C6: variants seen among roughly 807,000 people sequenced by gnomAD.
C6 encodes the protein complement component C6.
Under a neutral mutation model 112.9 loss-of-function variants are expected in C6, and 101 were observed. That is an observed-to-expected ratio of 0.89 (90% CI 0.76 to 1.06). The LOEUF (loss-of-function observed/expected upper bound fraction) is 1.06, where lower values mean the gene tolerates loss of function less well. C6 is among the 50% of genes least tolerant of loss of function. C6 has a pLI of 0.00. For synonymous variants in C6, 431 were observed against 384.1 expected, an observed-to-expected ratio of 1.12 and a Z score of -1.43; for missense variants, 1,202 against 1,104.6, an observed-to-expected ratio of 1.09 and a Z score of -1.25.
intron 5 of C6, among the ~76,000 whole-genome samples, chr5:41,194,046 G>A (rs867894213): frequency 1.3e-5 from 2 of 152,058 alleles, no homozygotes; most frequent in South Asian, 2.1e-4. Context: ...ATAGCATGTG[G>A]TCCTCCCCAT....
intron 1 of C6, among the ~76,000 whole-genome samples, chr5:41,256,889 C>T (rs1741749004): frequency 6.6e-6 from 1 of 152,190 alleles, no homozygotes; most frequent in Non-Finnish European, 1.5e-5. Flanking sequence ...CCCATACCCA[C>T]TTTCCATCCC....
intron 2 of C6, 41 bp from the exon 3 acceptor site, chr5:41,201,755 C>A: frequency 1.3e-6 from 2 of 1,504,998 alleles, no homozygotes; most frequent in Non-Finnish European, 1.8e-6. Context: ...TGAGTGTATT[C>A]ACCATATATC....
At chr5:41,216,452 T>G (rs1752199074), upstream of C6, among the ~76,000 whole-genome samples, 1 of 152,078 alleles carries the variant, frequency 6.6e-6, no homozygotes, top group Non-Finnish European at 1.5e-5. Flanking sequence ...TTTCTTTCAT[T>G]TGAGATTTCA....
chr5:41,235,422 C>T (rs1041274175), intron 1 of C6, among the ~76,000 whole-genome samples: 11 of 145,244 alleles, frequency 7.6e-5, no homozygotes, highest in African/African-American at 2.1e-4. Context: ...ATTTTTATGG[C>T]TGCATAGTAT....
chr5:41,144,948 G>T (rs1833864), intron 17 of C6, among the ~76,000 whole-genome samples: 7 of 152,040 alleles, frequency 4.6e-5, no homozygotes. Context: ...GCATTCCATG[G>T]TATATTTGTA....
rs1741254734 is a variant in C6 at position 41,250,069 on chromosome 5, G to A, written c.-21+11125C>T. On this transcript the variant is annotated intron_variant, in intron 1 of 17. Coordinates refer to the C6 transcript ENST00000263413. ...AGAGTCAATTCCTTCCCACCTTGTG[G>A]TCAACAGCTTTTAACTAGGGACAAA... 3.3e-5 allele frequency among the ~76,000 whole-genome samples: 5 copies of A among 152,148 alleles called. No individual in the cohort carries two copies. In the South Asian group the frequency reaches 1.0e-3, roughly 32 times the overall value.
At chr5:41,184,638 A>G (rs1236380943) in intron 6 of C6, among the ~76,000 whole-genome samples, 1 of 151,894 alleles carries the variant, frequency 6.6e-6, no homozygotes, top group East Asian at 1.9e-4. Flanking sequence ...CGCCCAGCTA[A>G]GTTTTGTATT....
chr5:41,153,888 C>G lies in C6; in HGVS notation c.2212G>C (p.Val738Leu). Residue 738 changes from valine (V) to leucine (L), a missense_variant, in exon 15 of 18, where the codon GTT becomes CTT. Val to Leu is a conservative substitution (Grantham distance 32). Transcript: ENST00000337836. ...CATGTGTACCTTGATGGCCCAGCAA[C>G]AACAAAGCCTTTGGGGCAAGTTAGC... Reference protein sequence around the residue: ...IELTCPKGFVVAGPSRYTCQG... With the variant: ...IELTCPKGFVLAGPSRYTCQG... 1 of 1,613,778 alleles carries G rather than the reference C, an allele frequency of 6.2e-7. No homozygotes were observed. Among genetic ancestry groups the G allele is most frequent in the Non-Finnish European group, 8.5e-7 (1 of 1,179,784 alleles).
chr5:41,223,234 A>G (rs1055579693), intron 1 of C6, among the ~76,000 whole-genome samples: 9 of 152,202 alleles, frequency 5.9e-5, no homozygotes, highest in African/African-American at 2.2e-4. Flanking sequence ...GGAGGCAGGA[A>G]ACAAAGAAAG....
chr5:41,147,104 AC>A (rs1027128490), intron 17 of C6, among the ~76,000 whole-genome samples: 1 of 152,152 alleles, frequency 6.6e-6, no homozygotes, highest in Non-Finnish European at 1.5e-5. Flanking sequence ...TGTATTTTTG[AC>A]AATAATGTTC....
At chr5:41,190,762 T>A (rs777614268) in intron 5 of C6, among the ~76,000 whole-genome samples, 2 of 152,186 alleles carry the variant, frequency 1.3e-5, no homozygotes, top group Non-Finnish European at 2.9e-5. Flanking sequence ...TTAAGCTATT[T>A]GGAGTTGATT....
chr5:41,254,225 C>T (rs544459197), intron 1 of C6, among the ~76,000 whole-genome samples: 1 of 152,076 alleles, frequency 6.6e-6, no homozygotes, highest in African/African-American at 2.4e-5. Context: ...CACGGTGAAA[C>T]CCCATCTCTA....
chr5:41,215,606 A>C (rs16871009), upstream of C6, among the ~76,000 whole-genome samples: 10,318 of 152,204 alleles, frequency 0.068, 501 homozygotes, highest in African/African-American at 0.14. Flanking sequence ...TCTCACACAA[A>C]ATCTCCTATT....
chr5:41,249,770 T>C (rs1200094854), intron 1 of C6, among the ~76,000 whole-genome samples: 3 of 152,192 alleles, frequency 2.0e-5, no homozygotes, highest in Admixed American at 2.0e-4. Flanking sequence ...TGGATATTGA[T>C]TATTCCTCAT....
chr5:41,190,857 C>T (rs994320733), intron 5 of C6, among the ~76,000 whole-genome samples: 4 of 152,016 alleles, frequency 2.6e-5, no homozygotes, highest in Non-Finnish European at 1.5e-5. Context: ...ATTAAAGAGA[C>T]TCTTGTTTCC....
At chr5:41,206,045 C>T (rs1295440567) in intron 1 of C6, among the ~76,000 whole-genome samples, 2 of 152,204 alleles carry the variant, frequency 1.3e-5, no homozygotes, top group African/African-American at 2.4e-5. Flanking sequence ...CAGGCAGCAA[C>T]ATTTGCCGTT....
intron 1 of C6, among the ~76,000 whole-genome samples, chr5:41,210,668 C>A (rs1751842904): frequency 6.6e-6 from 1 of 152,104 alleles, no homozygotes; most frequent in South Asian, 2.1e-4. Context: ...CAGAGAAATG[C>A]AGATCAAAAC....
intron 7 of C6, among the ~76,000 whole-genome samples, chr5:41,179,739 T>G (rs1749169008): frequency 6.7e-6 from 1 of 149,822 alleles, no homozygotes; most frequent in East Asian, 1.9e-4. Context: ...TGAATCTATT[T>G]CATTGTCATT....
intron 8 of C6, among the ~76,000 whole-genome samples, chr5:41,174,430 T>C (rs982681360): frequency 2.0e-5 from 3 of 152,182 alleles, no homozygotes; most frequent in African/African-American, 7.2e-5. Context: ...CATTAGTAAG[T>C]AGTGTGGTGA....
Sources: allele counts gnomAD v4.1 joint callset (sites outside exome capture counted in the v4.1 genomes callset), GRCh38; gene constraint gnomAD v4.1.1; transcripts MANE v1.5; gene names NCBI Gene and HGNC (gene_info 2026-07-23, HGNC 2026-07-21).